The following UNC5C variants were observed in gnomAD, a reference collection of about 807,000 sequenced individuals.
UNC5C encodes unc-5 netrin receptor C.
Under a neutral mutation model 99.8 loss-of-function variants are expected in UNC5C, and 47 were observed. That is an observed-to-expected ratio of 0.47 (90% CI 0.37 to 0.60). The LOEUF is 0.60. Among genes scored for constraint, UNC5C ranks in the 20% least tolerant of loss-of-function variants. UNC5C has a pLI of 0.00. For synonymous variants in UNC5C, 487 were observed against 452.2 expected, an observed-to-expected ratio of 1.08 and a Z score of -0.98; for missense variants, 1,062 against 1,165.9, an observed-to-expected ratio of 0.91 and a Z score of 1.30.
chr4:95,191,481 C>T (rs567095211), intron 12 of UNC5C, among the ~76,000 whole-genome samples: 37 of 152,144 alleles, frequency 2.4e-4, no homozygotes, highest in African/African-American at 7.5e-4. Context: ...GGTCCCACAG[C>T]GGATCTGGTG....
At chr4:95,429,173 C>G (rs578036388) in intron 1 of UNC5C, among the ~76,000 whole-genome samples, 4 of 151,470 alleles carry the variant, frequency 2.6e-5, no homozygotes, top group Non-Finnish European at 5.9e-5. Flanking sequence ...TTAAAACTAG[C>G]GTTTAGATGA....
At chr4:95,373,158 C>T (rs889020983) in intron 1 of UNC5C, among the ~76,000 whole-genome samples, 8 of 152,106 alleles carry the variant, frequency 5.3e-5, no homozygotes, top group African/African-American at 1.7e-4. Flanking sequence ...GACCCCTAAA[C>T]GCAACTATCC....
At chr4:95,392,880 T>C (rs763161131) in intron 1 of UNC5C, among the ~76,000 whole-genome samples, 13 of 152,178 alleles carry the variant, frequency 8.5e-5, no homozygotes, top group Admixed American at 2.6e-4. Flanking sequence ...ATATTATTGG[T>C]TCAGAGGGAC....
At chr4:95,421,739 G>A (rs1746325959) in intron 1 of UNC5C, among the ~76,000 whole-genome samples, 1 of 151,806 alleles carries the variant, frequency 6.6e-6, no homozygotes, top group African/African-American at 2.4e-5. Flanking sequence ...ACTATTTCAG[G>A]CCCTCAAAGT....
At chr4:95,439,293 G>A (rs1746880080) in intron 1 of UNC5C, among the ~76,000 whole-genome samples, 1 of 151,890 alleles carries the variant, frequency 6.6e-6, no homozygotes, top group Admixed American at 6.6e-5. Context: ...CGTGGATGAT[G>A]TAAAGAAGGG....
At chr4:95,356,105 A>C (rs1363261198) in intron 1 of UNC5C, among the ~76,000 whole-genome samples, 1 of 147,646 alleles carries the variant, frequency 6.8e-6, no homozygotes, top group Non-Finnish European at 1.5e-5. Context: ...TTGGAGGATC[A>C]TTTGAGCCCA....
intron 1 of UNC5C, among the ~76,000 whole-genome samples, chr4:95,392,730 G>A (rs531085016): frequency 1.2e-4 from 18 of 152,038 alleles, no homozygotes; most frequent in Non-Finnish European, 2.1e-4. Flanking sequence ...TATGAGCCAC[G>A]GAGCCTGGCT....
chr4:95,431,350 T>G (rs1006848495), intron 1 of UNC5C, among the ~76,000 whole-genome samples: 5 of 152,092 alleles, frequency 3.3e-5, no homozygotes, highest in Non-Finnish European at 5.9e-5. Context: ...AGGTTCCATC[T>G]TGGTCTTACT....
chr4:95,187,101 T>A (rs1045782867), intron 12 of UNC5C, among the ~76,000 whole-genome samples: 1 of 152,212 alleles, frequency 6.6e-6, no homozygotes, highest in African/African-American at 2.4e-5. Flanking sequence ...AATGAGCTTA[T>A]GTTGATCATG....
intron 1 of UNC5C, among the ~76,000 whole-genome samples, chr4:95,423,901 C>A (rs1198451681): frequency 6.6e-6 from 1 of 152,122 alleles, no homozygotes; most frequent in Non-Finnish European, 1.5e-5. Context: ...AAAAGGGAAA[C>A]AAACATTTTA....
At chr4:95,515,570 A>G (rs1277902027) in intron 1 of UNC5C, among the ~76,000 whole-genome samples, 1 of 152,172 alleles carries the variant, frequency 6.6e-6, no homozygotes, top group African/African-American at 2.4e-5. Context: ...AGCATGTAAA[A>G]TTTTCCCTTA....
intron 1 of UNC5C, among the ~76,000 whole-genome samples, chr4:95,467,722 CA>C (rs1421323459): frequency 1.3e-5 from 2 of 152,052 alleles, no homozygotes; most frequent in Non-Finnish European, 2.9e-5. Flanking sequence ...TTCACATAGC[CA>C]AAAATCTGAG....
In UNC5C at chr4:95,298,911, T is replaced by C. The variant is rs1579306015; in HGVS notation, c.490+2695A>G. 2.0e-5 allele frequency among the ~76,000 whole-genome samples: 3 copies of C among 152,252 alleles called. No individual in the cohort carries two copies. The South Asian group carries it at 6.2e-4, about 32-fold the overall frequency. On this transcript the variant is annotated intron_variant, in intron 3 of 15. Transcript: ENST00000453304. The stretch of plus-strand genomic sequence containing the variant: ...AAGATAAGGGTGCAATGCTTCAGCA[T>C]GAAGAATAGCTGAAAGGCATGGAAA...
At chr4:95,316,708 C>T (rs549187599) in intron 2 of UNC5C, among the ~76,000 whole-genome samples, 7 of 152,176 alleles carry the variant, frequency 4.6e-5, no homozygotes, top group Non-Finnish European at 7.3e-5. Flanking sequence ...TGTCCATAAT[C>T]CAATATCTGC....
At chr4:95,521,203 T>C (rs1361000598) in intron 1 of UNC5C, among the ~76,000 whole-genome samples, 2 of 128,094 alleles carry the variant, frequency 1.6e-5, no homozygotes, top group African/African-American at 6.1e-5. Context: ...CTTCTTCTTT[T>C]TTTTTTCTTT....
chr4:95,491,444 G>A (rs150952866), intron 1 of UNC5C, among the ~76,000 whole-genome samples: 2 of 151,516 alleles, frequency 1.3e-5, no homozygotes, highest in Non-Finnish European at 3.0e-5. Context: ...TGGAAAAACT[G>A]CCCATCTATA....
chr4:95,348,777 A>G (rs1353664646), intron 1 of UNC5C, among the ~76,000 whole-genome samples: 1 of 151,546 alleles, frequency 6.6e-6, no homozygotes, highest in African/African-American at 2.4e-5. Context: ...ACTGAATGGT[A>G]TTTAGTTATA....
intron 2 of UNC5C, among the ~76,000 whole-genome samples, chr4:95,303,931 A>G (rs1365512111): frequency 7.2e-5 from 11 of 152,136 alleles, no homozygotes; most frequent in Admixed American, 2.6e-4. Context: ...TATTTTCTGG[A>G]ACTCCTTAAA....
In UNC5C at chr4:95,410,449, T is replaced by A. The variant is rs556593234; in HGVS notation, c.125-74818A>T. 7.9e-5 allele frequency among the ~76,000 whole-genome samples: 12 copies of A among 152,304 alleles called. No homozygotes were observed. The South Asian group carries it at 1.9e-3, about 24-fold the overall frequency. On this transcript the variant is annotated intron_variant, in intron 1 of 15. Coordinates refer to ENST00000453304, the MANE Select transcript of UNC5C (RefSeq NM_003728.4). ...CCTCTTCTTTAGAATTCAACAGATGTTTCAGCGTTCACTAAAATACCCCAT... is the reference window on the plus strand; with the variant it reads ...CCTCTTCTTTAGAATTCAACAGATGATTCAGCGTTCACTAAAATACCCCAT...
Sources: gnomAD v4.1 joint callset for allele counts (sites outside exome capture counted in the v4.1 genomes callset) on GRCh38, gnomAD v4.1.1 for gene constraint, MANE v1.5 for transcripts, NCBI Gene and HGNC (gene_info 2026-07-23, HGNC 2026-07-21) for gene names.